Variants in VPS13B observed in about 807,000 individuals in gnomAD.
The protein encoded by VPS13B is vacuolar protein sorting 13 homolog B, also known as intermembrane lipid transfer protein VPS13B.
In VPS13B, 285 loss-of-function variants were observed where a neutral mutation model predicts 426.4. The ratio of observed to expected loss-of-function variants is 0.67; its 90% CI spans 0.61 to 0.74. The LOEUF is 0.74. Among genes scored for constraint, VPS13B ranks in the 30% least tolerant of loss-of-function variants. The probability of loss-of-function intolerance (pLI) is 0.00; values close to 1 mark genes in which losing one functional copy is unlikely to be tolerated. For missense variants in VPS13B, 4,537 were observed against 4,782.6 expected (o/e 0.95, Z 1.51); for synonymous variants, 1,676 against 1,676.4 (o/e 1.00, Z 0.01).
chr8:99,500,318 C>G (rs1821159274), intron 25 of VPS13B, among the ~76,000 whole-genome samples: 1 of 151,982 alleles, frequency 6.6e-6, no homozygotes, highest in Admixed American at 6.6e-5. Flanking sequence ...CAAAACGTGT[C>G]TGAAGTTAGA....
chr8:99,696,982 C>T (rs948445137), intron 35 of VPS13B: 13 of 618,106 alleles, frequency 2.1e-5, no homozygotes, highest in Admixed American at 4.5e-5. Context: ...GGGCTGCAGC[C>T]GGCGTGTGGG....
Position 99,143,031 on chromosome 8 carries a change from A to T in VPS13B, c.1709A>T (p.Gln570Leu). 6.2e-7 allele frequency: 1 copy of T among 1,614,026 alleles called. No homozygotes were observed. Among genetic ancestry groups the T allele is most frequent in the Non-Finnish European group, 8.5e-7 (1 of 1,179,930 alleles). ...AAAAGTGAAGATTTGGGAACAGTTC[A>T]GGAGAAGTCCACCAAAAGCCTTGTT... ...SGKSEDLGTV[Q>L]EKSTKSLVIG... Residue 570 changes from glutamine to leucine, a missense_variant, in exon 13 of 62, where the codon CAG becomes CTG. By Grantham distance (113) the Gln-to-Leu change is moderately radical. Transcript: ENST00000357162.
chr8:99,038,467 A>G lies in VPS13B; in HGVS notation c.192A>G (p.Glu64=). Residue 64 remains glutamate (E), a synonymous_variant, in exon 3 of 62, where the codon GAA becomes GAG. Transcript: ENST00000357162. ...CTTTTTTAAGTGGACATATTCATGA[A>G]TTGAGGATTCATGTACCATGGACAA... is the stretch of plus-strand genomic sequence containing the variant. ...PFTFLSGHIH[E]LRIHVPWTKL... 2 of 1,609,750 alleles carry G rather than the reference A, an allele frequency of 1.2e-6. No individual in the cohort carries two copies. Among genetic ancestry groups the G allele is most frequent in the Admixed American group, 3.3e-5 (2 of 59,872 alleles).
chr8:99,052,634 G>C (rs1356879536), intron 3 of VPS13B, among the ~76,000 whole-genome samples: 1 of 149,662 alleles, frequency 6.7e-6, no homozygotes, highest in East Asian at 2.0e-4. Context: ...ACCTCTGGTA[G>C]AATTCGGCCG....
At chr8:99,685,654 T>C (rs1454706153) in intron 35 of VPS13B, among the ~76,000 whole-genome samples, 1 of 152,224 alleles carries the variant, frequency 6.6e-6, no homozygotes, top group Admixed American at 6.5e-5. Flanking sequence ...TTCTTCAGTA[T>C]ATCAGTTGCA....
At chr8:99,314,447 G>A (rs1821194945) in intron 19 of VPS13B, among the ~76,000 whole-genome samples, 4 of 152,158 alleles carry the variant, frequency 2.6e-5, no homozygotes. Context: ...TTAGTCTAAA[G>A]TACAGCTTAA....
intron 14 of VPS13B, among the ~76,000 whole-genome samples, chr8:99,148,384 G>GTT (rs755998456): frequency 0.074 from 11,154 of 150,136 alleles, 643 homozygotes; most frequent in African/African-American, 0.16. Flanking sequence ...AAAAGAAAAA[G>GTT]ATAAAAGTAT....
At chr8:99,192,452 A>G (rs1401054358) in intron 16 of VPS13B, among the ~76,000 whole-genome samples, 1 of 152,172 alleles carries the variant, frequency 6.6e-6, no homozygotes, top group African/African-American at 2.4e-5. Context: ...CATTTGAAAA[A>G]CTAGTATAAT....
chr8:99,474,333 T>C (rs1819580362), intron 24 of VPS13B, among the ~76,000 whole-genome samples: 1 of 151,606 alleles, frequency 6.6e-6, no homozygotes, highest in Non-Finnish European at 1.5e-5. Context: ...GGATCACAGG[T>C]GTGTGCCACC....
rs372006302 is a variant in VPS13B, at chr8:99,166,042, C to T, written c.2209-3997C>T. On this transcript the variant is annotated intron_variant, in intron 15 of 61. Transcript: ENST00000357162. Reference sequence around the variant, plus strand: ...TTGCCCTGGCTGGAGTGCAATGGCACGATCTTGGCTCACTGCAACGTCCGC... The same window carrying T: ...TTGCCCTGGCTGGAGTGCAATGGCATGATCTTGGCTCACTGCAACGTCCGC... 1.2e-4 allele frequency among the ~76,000 whole-genome samples: 18 copies of T among 152,268 alleles called. No homozygotes were observed. The East Asian group carries it at 2.1e-3, about 18-fold the overall frequency.
At chr8:99,830,293 C>T (rs998282377) in intron 51 of VPS13B, among the ~76,000 whole-genome samples, 1 of 152,178 alleles carries the variant, frequency 6.6e-6, no homozygotes, top group African/African-American at 2.4e-5. Context: ...CAGAGATGCC[C>T]TGCTCAGAGA....
intron 17 of VPS13B, among the ~76,000 whole-genome samples, chr8:99,265,603 G>A (rs758534118): frequency 1.3e-5 from 2 of 152,094 alleles, no homozygotes; most frequent in Admixed American, 6.6e-5. Flanking sequence ...GTGAGTGTCA[G>A]GTAGTTACTG....
intron 43 of VPS13B, among the ~76,000 whole-genome samples, chr8:99,807,939 T>C (rs1442652414): frequency 1.3e-5 from 2 of 151,704 alleles, no homozygotes; most frequent in African/African-American, 4.8e-5. Flanking sequence ...CTTGGGAATT[T>C]TTTAAATTTA....
chr8:99,656,481 T>C (rs1830021880), intron 34 of VPS13B, among the ~76,000 whole-genome samples: 1 of 152,226 alleles, frequency 6.6e-6, no homozygotes, highest in Non-Finnish European at 1.5e-5. Context: ...TATATTACAT[T>C]CATAGGCTCC....
chr8:99,835,738 G>A lies in VPS13B; in HGVS notation c.9942G>A (p.Gln3314=). 1 of 1,614,006 alleles carries A rather than the reference G, an allele frequency of 6.2e-7. No homozygotes were observed. The highest frequency in any genetic ancestry group is 8.5e-7 in the Non-Finnish European group (1 of 1,179,968). The stretch of plus-strand genomic sequence containing the variant: ...TTGACATCAACAGTCAGGGAACACA[G>A]GTCAGTGAGCCATGTGTTCCTGCCA... ...DAIDINSQGT[Q]VVFLTGFGYV... The change falls in exon 54 of 62, where the codon CAG becomes CAA. Residue 3314 remains glutamine (Q), a splice_region_variant and synonymous_variant. Transcript: ENST00000357162.
rs758981960 is a variant in VPS13B, at chr8:99,044,177, G to A, written c.291+5611G>A. On this transcript the variant is annotated intron_variant, in intron 3 of 61. Transcript: ENST00000357162. Reference sequence around the variant, plus strand: ...CGGCTCACTGCAAGCTCTGCCTCCCGGGTTCACGCCATTCTCCTGCCTCAG... The same window carrying A: ...CGGCTCACTGCAAGCTCTGCCTCCCAGGTTCACGCCATTCTCCTGCCTCAG... 8.2e-5 allele frequency among the ~76,000 whole-genome samples: 11 copies of A among 134,952 alleles called. No homozygotes were observed. The South Asian group carries it at 1.5e-3, about 19-fold the overall frequency. The allele number at this position is 134,952 out of a possible 152,430, so 88.5% of individuals were successfully genotyped here.
At chr8:99,453,976 T>G (rs929516198) in intron 23 of VPS13B, among the ~76,000 whole-genome samples, 1 of 152,184 alleles carries the variant, frequency 6.6e-6, no homozygotes, top group African/African-American at 2.4e-5. Flanking sequence ...CGTAGTATCA[T>G]GCATAATATT....
At chr8:99,439,025 T>G (rs1817548783) in intron 22 of VPS13B, among the ~76,000 whole-genome samples, 1 of 152,120 alleles carries the variant, frequency 6.6e-6, no homozygotes, top group African/African-American at 2.4e-5. Context: ...ATTTCCCCCA[T>G]TAACAGATGA....
chr8:99,676,265 G>A (rs890481198), intron 35 of VPS13B, among the ~76,000 whole-genome samples: 10 of 152,152 alleles, frequency 6.6e-5, no homozygotes, highest in Non-Finnish European at 1.2e-4. Flanking sequence ...GGTTGGCACA[G>A]TGCTGGGGCA....
Sources: gnomAD v4.1 joint callset for allele counts (sites outside exome capture counted in the v4.1 genomes callset) on GRCh38, gnomAD v4.1.1 for gene constraint, MANE v1.5 for transcripts, NCBI Gene and HGNC (gene_info 2026-07-23, HGNC 2026-07-21) for gene names.